Variants in THBS4 observed in about 807,000 individuals in gnomAD.
The protein encoded by THBS4 is thrombospondin 4, also known as thrombospondin-4.
THBS4 carries 90 observed loss-of-function variants against 115.7 expected under a neutral mutation model. The ratio of observed to expected loss-of-function variants is 0.78; its 90% CI spans 0.66 to 0.93. The LOEUF (loss-of-function observed/expected upper bound fraction) is 0.93, where lower values mean the gene tolerates loss of function less well. Ranked by LOEUF, THBS4 falls within the 40% of genes least tolerant of loss-of-function variation. THBS4 has a pLI of 0.00. For synonymous variants in THBS4, 460 were observed against 479.3 expected, an observed-to-expected ratio of 0.96 and a Z score of 0.53; for missense variants, 1,087 against 1,232.7, an observed-to-expected ratio of 0.88 and a Z score of 1.77.
intron 2 of THBS4, among the ~76,000 whole-genome samples, chr5:80,010,859 T>C (rs1276232083): frequency 6.6e-6 from 1 of 152,196 alleles, no homozygotes. Context: ...TTGAATGAGA[T>C]GACTTTTCTT....
At chr5:80,059,045 CAG>C (rs1298371514) in intron 5 of THBS4, among the ~76,000 whole-genome samples, 1 of 152,196 alleles carries the variant, frequency 6.6e-6, no homozygotes, top group African/African-American at 2.4e-5. Flanking sequence ...AGAAGTGTTA[CAG>C]AGAGCCAGGT....
rs1321514185 is a variant in THBS4 at position 80,083,139 on chromosome 5, T to TA, written c.*1dup. ...QTQNFDRFDN[*] The stretch of plus-strand genomic sequence containing the variant: ...CCAGAATTTCGACCGCTTCGATAAT[T>TA]AAACCAAGGAAGCAATCTGTAACTG... The change falls in exon 22 of 22, where the codon TAA becomes TAAA. Residue 962 remains the stop codon, a frameshift_variant and stop_retained_variant. Coordinates refer to ENST00000350881, the MANE Select transcript of THBS4 (RefSeq NM_003248.6). LOFTEE classifies it high-confidence loss of function. 6.2e-7 allele frequency: 1 copy of TA among 1,612,720 alleles called. No homozygotes were observed. The highest frequency in any genetic ancestry group is 1.3e-5 in the African/African-American group (1 of 74,908).
At chr5:80,052,048 G>A (rs1203634091) in intron 2 of THBS4, among the ~76,000 whole-genome samples, 1 of 152,144 alleles carries the variant, frequency 6.6e-6, no homozygotes, top group African/African-American at 2.4e-5. Context: ...GTGAGTGAGT[G>A]TGTGTGTGAC....
intron 15 of THBS4, chr5:80,075,951 A>G (rs541678266): frequency 2.0e-5 from 3 of 152,270 alleles, no homozygotes; most frequent in African/African-American, 7.2e-5. Flanking sequence ...TTCCCTCTCC[A>G]AAAGGGTGCA....
At chr5:80,059,948 C>A (rs1441214755) in intron 7 of THBS4, 43 bp downstream of exon 7, 6 of 1,575,056 alleles carry the variant, frequency 3.8e-6, no homozygotes, top group Non-Finnish European at 5.2e-6. Flanking sequence ...TAAGTATCCT[C>A]CTCACCCTGC....
At chr5:80,001,004 G>A (rs1163919562) in intron 2 of THBS4, among the ~76,000 whole-genome samples, 1 of 151,878 alleles carries the variant, frequency 6.6e-6, no homozygotes, top group Non-Finnish European at 1.5e-5. Context: ...TTTATTCTTC[G>A]AGATAACTTG....
At chr5:80,065,803 TA>T (rs1833798920) in intron 9 of THBS4, among the ~76,000 whole-genome samples, 1 of 152,220 alleles carries the variant, frequency 6.6e-6, no homozygotes, top group African/African-American at 2.4e-5. Flanking sequence ...TTTATATTAA[TA>T]GTTCAGTATT....
intron 16 of THBS4, 69 bp downstream of exon 16, chr5:80,077,117 C>T (rs1245851470): frequency 1.8e-5 from 26 of 1,411,244 alleles, no homozygotes; most frequent in Non-Finnish European, 2.4e-5. Flanking sequence ...TGGGGGCACG[C>T]CTCTCTCCAG....
rs758128138 is a variant in THBS4, at chr5:80,079,250, C to G, written c.2503C>G (p.Gln835Glu). 1.2e-6 allele frequency: 2 copies of G among 1,609,778 alleles called. No individual in the cohort carries two copies. The highest frequency in any genetic ancestry group is 3.4e-5 in the Admixed American group (2 of 59,628). Reference sequence around the variant, plus strand: ...CCGAGCAGTTGCAGAACCTGGCATTCAGCTCAAGGTATTGGTGGTTTGAAG... The same window carrying G: ...CCGAGCAGTTGCAGAACCTGGCATTGAGCTCAAGGTATTGGTGGTTTGAAG... ...PFRAVAEPGI[Q>E]LKAVKSKTGP... The change falls in exon 19 of 22, where the codon CAG (glutamine) becomes GAG (glutamate). Residue 835 changes from glutamine to glutamate, a missense_variant. This residue lies in a region of THBS4 where 979 missense variants were observed against 1,103.7 expected (regional missense o/e 0.89). Coordinates refer to ENST00000350881, the MANE Select transcript of THBS4 (RefSeq NM_003248.6).
intron 2 of THBS4, among the ~76,000 whole-genome samples, chr5:80,025,708 T>A (rs1229389842): frequency 6.6e-6 from 1 of 152,204 alleles, no homozygotes; most frequent in Non-Finnish European, 1.5e-5. Flanking sequence ...ATGAGCTCAT[T>A]CATCCTTGAG....
At chr5:80,059,145 C>G (rs1833535814) in intron 5 of THBS4, among the ~76,000 whole-genome samples, 1 of 152,068 alleles carries the variant, frequency 6.6e-6, no homozygotes, top group Non-Finnish European at 1.5e-5. Context: ...GCCTGAACAA[C>G]ATGGTGAAAC....
Position 80,072,377 on chromosome 5 carries a change from A to G in THBS4, c.1820A>G (p.Asp607Gly), listed in dbSNP as rs1198057727. Reference protein sequence around the residue: ...GVGDACDSCPDVSNPNQSDVD... With the variant: ...GVGDACDSCPGVSNPNQSDVD... ...GGGGATGCCTGTGACAGTTGTCCTG[A>G]TGTCAGCAACCCTAACCAGGTTAGT... is the stretch of plus-strand genomic sequence containing the variant. The change falls in exon 14 of 22, where the codon GAT becomes GGT. Residue 607 changes from aspartate to glycine, a missense_variant. Coordinates refer to ENST00000350881, the MANE Select transcript of THBS4 (RefSeq NM_003248.6). The G allele has an allele frequency of 1.9e-6, 3 of 1,614,034 alleles. No homozygotes were observed. Among genetic ancestry groups the G allele is most frequent in the Non-Finnish European group, 2.5e-6 (3 of 1,180,006 alleles).
chr5:80,059,345 AAG>A, intron 5 of THBS4, 93 bp from the exon 6 acceptor site: 2 of 1,190,706 alleles, frequency 1.7e-6, no homozygotes, highest in Admixed American at 2.4e-5. Context: ...AAAAAAAAAA[AAG>A]TGTTACATAG....
intron 2 of THBS4, among the ~76,000 whole-genome samples, chr5:80,002,745 G>GAA (rs56899578): frequency 3.0e-5 from 3 of 100,372 alleles, no homozygotes; most frequent in Non-Finnish European, 6.0e-5. Flanking sequence ...CCAGAAGGGA[G>GAA]AAAAAAAAAA....
chr5:80,004,735 T>A (rs1282042821), intron 2 of THBS4, among the ~76,000 whole-genome samples: 2 of 152,178 alleles, frequency 1.3e-5, no homozygotes, highest in Non-Finnish European at 2.9e-5. Flanking sequence ...TTATTTATTT[T>A]TTATTTTTAT....
chr5:80,004,457 A>G (rs1580903409), intron 2 of THBS4, among the ~76,000 whole-genome samples: 1 of 152,146 alleles, frequency 6.6e-6, no homozygotes, highest in African/African-American at 2.4e-5. Context: ...CCTTTGCAGG[A>G]CACTAGGGTG....
At chr5:80,081,387 C>T (rs1293299978) in intron 20 of THBS4, among the ~76,000 whole-genome samples, 3 of 152,052 alleles carry the variant, frequency 2.0e-5, no homozygotes, top group East Asian at 1.9e-4. Context: ...CCTACCTACA[C>T]GTATAATCTA....
At chr5:79,999,365 T>C (rs1423569285) in intron 2 of THBS4, among the ~76,000 whole-genome samples, 1 of 152,234 alleles carries the variant, frequency 6.6e-6, no homozygotes, top group Non-Finnish European at 1.5e-5. Flanking sequence ...GATGTATTTA[T>C]TCATATTTCC....
At chr5:80,069,799 T>C (rs997368955) in intron 10 of THBS4, among the ~76,000 whole-genome samples, 15 of 152,214 alleles carry the variant, frequency 9.9e-5, no homozygotes, top group African/African-American at 3.6e-4. Context: ...TAAATCCTGG[T>C]TGCAGAGGGA....
Sources: allele counts gnomAD v4.1 joint callset (sites outside exome capture counted in the v4.1 genomes callset), GRCh38; gene constraint gnomAD v4.1.1; regional missense constraint gnomAD v4.1.1; transcripts MANE v1.5; gene names NCBI Gene and HGNC (gene_info 2026-07-23, HGNC 2026-07-21).